The following URGCP variants were observed in gnomAD, a reference collection of about 807,000 sequenced individuals.
URGCP encodes the protein upregulator of cell proliferation.
URGCP carries 13 observed loss-of-function variants against 24.6 expected under a neutral mutation model. The observed-to-expected ratio is 0.53, with a 90% CI of 0.34 to 0.84. URGCP has a LOEUF of 0.84. Ranked by LOEUF, URGCP falls within the 40% of genes least tolerant of loss-of-function variation. URGCP has a pLI of 0.01. For missense variants in URGCP, 899 were observed against 1,194.3 expected, an observed-to-expected ratio of 0.75 and a Z score of 3.64; for synonymous variants, 444 against 487.2, an observed-to-expected ratio of 0.91 and a Z score of 1.17.
At chr7:43,916,711 A>AC (rs1352266678) in intron 1 of URGCP, among the ~76,000 whole-genome samples, 792 of 39,252 alleles carry the variant, frequency 0.02, 11 homozygotes, top group South Asian at 0.024. Flanking sequence ...CTCCCTACCC[A>AC]CCCCCCCCCC....
chr7:43,921,629 G>A (rs147387182), intron 1 of URGCP, among the ~76,000 whole-genome samples: 154 of 152,304 alleles, frequency 1.0e-3, no homozygotes, highest in Non-Finnish European at 1.6e-3. Flanking sequence ...CCCAGGACTT[G>A]GCAAGGGACT....
intron 5 of URGCP, among the ~76,000 whole-genome samples, chr7:43,880,340 T>C (rs1474569695): frequency 6.6e-6 from 1 of 152,236 alleles, no homozygotes; most frequent in Non-Finnish European, 1.5e-5. Context: ...TCTTATAAGC[T>C]AGATGCTTGA....
chr7:43,916,371 G>C (rs1161600433), intron 1 of URGCP, among the ~76,000 whole-genome samples: 3 of 152,114 alleles, frequency 2.0e-5, no homozygotes, highest in Non-Finnish European at 4.4e-5. Flanking sequence ...GTTGGAGAAG[G>C]ACTCAATTCC....
At chr7:43,918,690 A>G in intron 1 of URGCP, 1 of 668,078 alleles carries the variant, frequency 1.5e-6, no homozygotes, top group Non-Finnish European at 2.7e-6. Context: ...CTGGTGCCTG[A>G]GGAGCGATAC....
chr7:43,878,989 C>T lies in URGCP; in HGVS notation c.474G>A (p.Trp158Ter). The T allele has an allele frequency of 6.2e-7, 1 of 1,614,178 alleles. No homozygotes were observed. The highest frequency in any genetic ancestry group is 8.5e-7 in the Non-Finnish European group (1 of 1,180,026). ...CGGCAGCAAGGTCATCAGCTGGGTC[C>T]CAGTAGATGATCTCCTCTTCCATCT... ...ESQMEEEIIY[W>*]DPADDLAADI... The change falls in exon 6 of 6, where the codon TGG becomes TGA. Residue 158 changes from tryptophan (W) to a stop codon, truncating the protein, a stop_gained. Coordinates refer to ENST00000453200, the MANE Select transcript of URGCP (RefSeq NM_001077663.3). LOFTEE classifies it low-confidence loss of function (END_TRUNC). This position sits in a 1 kb window ranked among gnomAD's most constrained non-coding sequence, Gnocchi z 5.6.
intron 1 of URGCP, among the ~76,000 whole-genome samples, chr7:43,923,281 CTT>C (rs374239475): frequency 0.017 from 2,353 of 134,756 alleles, 60 homozygotes; most frequent in African/African-American, 0.06. Context: ...TGTGCCCAGC[CTT>C]TTTTTTTTTT....
chr7:43,917,555 G>A (rs1186221867), intron 1 of URGCP, among the ~76,000 whole-genome samples: 1 of 152,192 alleles, frequency 6.6e-6, no homozygotes, highest in Non-Finnish European at 1.5e-5. Flanking sequence ...TCCTGGCTTA[G>A]GGAATGAGTC....
In URGCP at chr7:43,878,826, G is replaced by C. The variant is rs1377762317; in HGVS notation, c.637C>G (p.Leu213Val). The C allele has an allele frequency of 1.2e-6, 2 of 1,614,050 alleles. No homozygotes were observed. Among genetic ancestry groups the C allele is most frequent in the South Asian group, 1.1e-5 (1 of 91,076 alleles). Residue 213 changes from leucine (L) to valine (V), a missense_variant, in exon 6 of 6, where the codon CTC (leucine) becomes GTC (valine). Transcript: ENST00000453200. The surrounding 1 kb of genome is among the most constrained non-coding windows in gnomAD (Gnocchi z 5.6). ...ALKMALCQFA[L>V]PLVLPDSENH... is the part of the protein sequence containing the mutation. ...TCCGAGTCAGGCAACACGAGTGGGA[G>C]TGCAAACTGGCAGAGGGCCATTTTC...
intron 1 of URGCP, among the ~76,000 whole-genome samples, chr7:43,923,262 G>A (rs960938122): frequency 2.7e-5 from 4 of 149,122 alleles, no homozygotes; most frequent in African/African-American, 9.9e-5. Context: ...AATTACAGGT[G>A]TGAGCCACTG....
intron 3 of URGCP, among the ~76,000 whole-genome samples, chr7:43,885,956 G>T (rs149414244): frequency 6.6e-6 from 1 of 152,302 alleles, no homozygotes; most frequent in Non-Finnish European, 1.5e-5. Context: ...AAGGGCTTTG[G>T]GCAATTACTG....
intron 1 of URGCP, among the ~76,000 whole-genome samples, chr7:43,894,285 A>G (rs2095875202): frequency 1.3e-5 from 2 of 152,230 alleles, no homozygotes; most frequent in Non-Finnish European, 1.5e-5. Context: ...TCTTCTCACC[A>G]GCACACAGAA....
At chr7:43,919,542 G>A (rs2095919719) in intron 1 of URGCP, 10 of 1,383,360 alleles carry the variant, frequency 7.2e-6, no homozygotes, top group Non-Finnish European at 1.0e-5. Flanking sequence ...GGACCAATCA[G>A]TGGCCAGCGT....
At chr7:43,918,840 G>A in intron 1 of URGCP, 1 of 1,341,300 alleles carries the variant, frequency 7.5e-7, no homozygotes, top group Non-Finnish European at 1.1e-6. Context: ...TGACCACAAG[G>A]ACATCTTTTT....
At chr7:43,879,563 A>G (rs536119875) in intron 5 of URGCP, 8 of 306,586 alleles carry the variant, frequency 2.6e-5, no homozygotes, top group Admixed American at 1.4e-4. Flanking sequence ...TGCAAAAGCC[A>G]TATTTCTGGT....
At position 43,906,562 on chromosome 7, in the gene URGCP, C is replaced by T. The variant is rs1205724846; in HGVS notation, c.14G>A (p.Gly5Glu). 4.8e-6 allele frequency: 6 copies of T among 1,242,240 alleles called. No individual in the cohort carries two copies. In the South Asian group the frequency reaches 9.8e-5, roughly 20 times the overall value. The allele number at this position is 1,242,240 out of a possible 1,614,324, so 77.0% of individuals were successfully genotyped here. MASP[G>E]IEVELLGKGH... ...GCAGGGCCTGCGAGGCGGCACTCACCCGGGCGACGCCATGAGCGCAGCGAG... is the reference window on the plus strand; with the variant it reads ...GCAGGGCCTGCGAGGCGGCACTCACTCGGGCGACGCCATGAGCGCAGCGAG... Residue 5 changes from glycine (G) to glutamate (E), a missense_variant and splice_region_variant, in exon 1 of 6, where the codon GGG (glycine) becomes GAG (glutamate). Gly to Glu is a moderately conservative substitution (Grantham distance 98, BLOSUM62 -2). Transcript: ENST00000453200.
At chr7:43,926,486 TCAGGCAGCCCCGGCCGGGCCGCCC>T (rs2095930745), upstream of URGCP, 1 of 1,458,448 alleles carries the variant, frequency 6.9e-7, no homozygotes, top group Admixed American at 2.7e-5. Flanking sequence ...GCGGGCCGCC[TCAGGCAGCCCCGGCCGGGCCGCCC>T]GGGTCCCCGG....
intron 1 of URGCP, among the ~76,000 whole-genome samples, chr7:43,913,370 G>A (rs1314925306): frequency 2.0e-5 from 3 of 151,202 alleles, no homozygotes; most frequent in Admixed American, 6.6e-5. Flanking sequence ...CACCACTCCC[G>A]GCTATTTTTT....
Position 43,887,789 on chromosome 7 carries a change from C to T in URGCP, c.41+1G>A, listed in dbSNP as rs1292679293. ...TCAGAAAGACAGAAAAATATACATA[C>T]CCTTTGCCCAGTAATTCCACTTCTA... On this transcript the variant is annotated splice_donor_variant, in intron 2 of 5. Transcript: ENST00000453200. LOFTEE classifies it high-confidence loss of function. 1.9e-6 allele frequency: 3 copies of T among 1,549,616 alleles called. No homozygotes were observed. The highest frequency in any genetic ancestry group is 2.0e-5 in the Admixed American group (1 of 50,616).
At chr7:43,904,072 A>G (rs1431711140) in intron 1 of URGCP, among the ~76,000 whole-genome samples, 1 of 152,198 alleles carries the variant, frequency 6.6e-6, no homozygotes, top group African/African-American at 2.4e-5. Flanking sequence ...CCGTCTCTAT[A>G]CTGCTGTCAC....
Sources: gnomAD v4.1 joint callset for allele counts (sites outside exome capture counted in the v4.1 genomes callset) on GRCh38, gnomAD v4.1.1 for gene constraint, Gnocchi (gnomAD v3.1) non-coding constraint, MANE v1.5 for transcripts, NCBI Gene and HGNC (gene_info 2026-07-23, HGNC 2026-07-21) for gene names.